The following CCDC191 variants were observed in gnomAD, a reference collection of about 807,000 sequenced individuals.
CCDC191 encodes coiled-coil domain containing 191.
CCDC191 carries 99 observed loss-of-function variants against 114.0 expected under a neutral mutation model. That is an observed-to-expected ratio of 0.87 (90% CI 0.74 to 1.03). The LOEUF (loss-of-function observed/expected upper bound fraction) is 1.03. Among genes scored for constraint, CCDC191 ranks in the 50% least tolerant of loss-of-function variants. The pLI is 0.00. For synonymous variants in CCDC191, 351 were observed against 376.0 expected (o/e 0.93, Z 0.77); for missense variants, 973 against 1,087.0 (o/e 0.90, Z 1.47).
At position 114,001,540 on chromosome 3, in the gene CCDC191, T is replaced by G; in HGVS notation, c.2163+55A>C. 2.5e-6 allele frequency: 4 copies of G among 1,603,784 alleles called. No individual in the cohort carries two copies. In the South Asian group the frequency reaches 4.5e-5, roughly 18 times the overall value. On this transcript the variant is annotated intron_variant, in intron 13 of 16. Coordinates refer to ENST00000295878, the MANE Select transcript of CCDC191 (RefSeq NM_020817.2). ...TTAAAGAAGGTGGATAGGGCCACAG[T>G]ATCACACACAGCAAACCTCAAGATA...
At chr3:114,032,026 T>C (rs529457292) in intron 6 of CCDC191, among the ~76,000 whole-genome samples, 1 of 152,178 alleles carries the variant, frequency 6.6e-6, no homozygotes, top group Non-Finnish European at 1.5e-5. Context: ...ATAGATACTT[T>C]AGTATTTTTA....
Position 114,027,612 on chromosome 3 carries a change from A to G in CCDC191, c.972+4014T>C, listed in dbSNP as rs1451227954. On this transcript the variant is annotated intron_variant, in intron 7 of 16. Coordinates refer to ENST00000295878, the MANE Select transcript of CCDC191 (RefSeq NM_020817.2). Reference sequence around the variant, plus strand: ...GCAAGACTCTGTCTCAAAAAAAAAAAAAAAAAAAAAGAAAAAAAAATCCAG... The same window carrying G: ...GCAAGACTCTGTCTCAAAAAAAAAAGAAAAAAAAAAGAAAAAAAAATCCAG... Among the ~76,000 whole-genome samples the G allele has an allele frequency of 6.7e-5, 10 of 149,582 alleles. No homozygotes were observed. In the East Asian group the frequency reaches 1.5e-3, roughly 23 times the overall value.
intron 8 of CCDC191, 53 bp from the exon 9 acceptor site, chr3:114,011,074 A>G: frequency 6.5e-7 from 1 of 1,540,072 alleles, no homozygotes; most frequent in Non-Finnish European, 8.7e-7. Context: ...CAGTTTGTTA[A>G]TTGATAATAT....
chr3:114,008,360 T>C (rs2107675145), intron 9 of CCDC191, among the ~76,000 whole-genome samples: 1 of 152,026 alleles, frequency 6.6e-6, no homozygotes, highest in Non-Finnish European at 1.5e-5. Context: ...ACAAGCATCT[T>C]CCTGATCCCC....
chr3:113,999,032 A>G (rs1338686573), intron 13 of CCDC191, among the ~76,000 whole-genome samples: 3 of 152,212 alleles, frequency 2.0e-5, no homozygotes, highest in Non-Finnish European at 4.4e-5. Flanking sequence ...AGCACCAGCT[A>G]GGTGGCAATA....
chr3:113,985,426 G>C (rs937357082), intron 13 of CCDC191, among the ~76,000 whole-genome samples: 4 of 152,126 alleles, frequency 2.6e-5, no homozygotes, highest in Admixed American at 2.0e-4. Context: ...CCAGAGGGAA[G>C]GTCTTTAAGG....
In CCDC191 at chr3:114,052,095, T is replaced by A. The variant is rs150362954; in HGVS notation, c.129+1502A>T. 4.1e-3 allele frequency among the ~76,000 whole-genome samples: 627 copies of A among 151,146 alleles called. 3 individuals carry two copies. The highest frequency in any genetic ancestry group is 7.7e-3 in the Admixed American group (117 of 15,106). ...ACAAGAAAAATACAAAGGCAAGGAG[T>A]CCAGGTTATGTATCCAAAACATTAG... On this transcript the variant is annotated intron_variant, in intron 2 of 16. Coordinates refer to ENST00000295878, the MANE Select transcript of CCDC191 (RefSeq NM_020817.2).
chr3:114,006,619 A>AAATATAAAT (rs1160832038), intron 9 of CCDC191, among the ~76,000 whole-genome samples: 1 of 92,548 alleles, frequency 1.1e-5, no homozygotes, highest in African/African-American at 4.2e-5. Context: ...TATATATATA[A>AAATATAAAT]ATATATATAT....
chr3:114,025,383 C>T (rs2076306527), intron 7 of CCDC191, among the ~76,000 whole-genome samples: 3 of 152,060 alleles, frequency 2.0e-5, no homozygotes, highest in African/African-American at 4.8e-5. Flanking sequence ...CTCCCCCCAC[C>T]AACTTTTTTT....
intron 2 of CCDC191, chr3:114,047,099 C>G: frequency 1.0e-6 from 1 of 980,404 alleles, no homozygotes; most frequent in Non-Finnish European, 1.2e-6. Flanking sequence ...GCCCTTAGGA[C>G]TTGCATATGA....
chr3:113,980,314 T>C (rs562153608), intron 14 of CCDC191, among the ~76,000 whole-genome samples: 4 of 152,312 alleles, frequency 2.6e-5, no homozygotes, highest in Non-Finnish European at 4.4e-5. Flanking sequence ...TTGTCTGTTA[T>C]GCAACTTTAT....
At chr3:114,048,344 T>A (rs2107759350) in intron 2 of CCDC191, among the ~76,000 whole-genome samples, 1 of 152,306 alleles carries the variant, frequency 6.6e-6, no homozygotes, top group South Asian at 2.1e-4. Context: ...GTGTCACAAC[T>A]CCACTCAAAA....
At chr3:113,983,775 G>C (rs2075257682) in intron 13 of CCDC191, among the ~76,000 whole-genome samples, 1 of 152,152 alleles carries the variant, frequency 6.6e-6, no homozygotes, top group Non-Finnish European at 1.5e-5. Context: ...TTTAAATCTT[G>C]CCTTGTCTTC....
At chr3:113,997,240 G>A (rs1364689192) in intron 13 of CCDC191, among the ~76,000 whole-genome samples, 2 of 152,124 alleles carry the variant, frequency 1.3e-5, no homozygotes, top group Non-Finnish European at 2.9e-5. Flanking sequence ...GGGAAGCATA[G>A]GATAAACCCT....
chr3:113,990,538 C>A (rs565635088), intron 13 of CCDC191, among the ~76,000 whole-genome samples: 1 of 151,930 alleles, frequency 6.6e-6, no homozygotes, highest in South Asian at 2.1e-4. Context: ...GCACCTAAAC[C>A]TCACAAATCC....
upstream of CCDC191, chr3:114,056,597 C>A: frequency 6.3e-7 from 1 of 1,581,818 alleles, no homozygotes; most frequent in South Asian, 1.1e-5. Flanking sequence ...ACCGTCGAAC[C>A]ACCACTCCCA....
At chr3:114,010,550 C>A (rs1037743516) in intron 9 of CCDC191, among the ~76,000 whole-genome samples, 1 of 152,082 alleles carries the variant, frequency 6.6e-6, no homozygotes, top group African/African-American at 2.4e-5. Flanking sequence ...AATGCCCTTT[C>A]GATATTAAAT....
chr3:114,019,897 G>T (rs966818474), intron 7 of CCDC191, among the ~76,000 whole-genome samples: 1 of 152,056 alleles, frequency 6.6e-6, no homozygotes, highest in Non-Finnish European at 1.5e-5. Flanking sequence ...GCTTTCTTCA[G>T]CCAAAACACC....
intron 11 of CCDC191, chr3:114,004,038 G>C: frequency 1.0e-6 from 1 of 973,014 alleles, no homozygotes; most frequent in Non-Finnish European, 1.2e-6. Flanking sequence ...GGATGTTGAG[G>C]TGGGAGGACT....
Sources: allele counts gnomAD v4.1 joint callset (sites outside exome capture counted in the v4.1 genomes callset), GRCh38; gene constraint gnomAD v4.1.1; transcripts MANE v1.5; gene names NCBI Gene and HGNC (gene_info 2026-07-23, HGNC 2026-07-21).